Variants in GFRA1 observed in about 807,000 individuals in gnomAD.
The protein encoded by GFRA1 is GDNF family receptor alpha-1.
In GFRA1, 16 loss-of-function variants were observed where a neutral mutation model predicts 51.6. The ratio of observed to expected loss-of-function variants is 0.31; its 90% CI spans 0.21 to 0.47. GFRA1 has a LOEUF of 0.47. GFRA1 is among the 20% of genes least tolerant of loss of function. The probability of loss-of-function intolerance (pLI) is 1.00; values close to 1 mark genes in which losing one functional copy is unlikely to be tolerated. For synonymous variants in GFRA1, 270 were observed against 241.3 expected, an observed-to-expected ratio of 1.12 and a Z score of -1.10; for missense variants, 530 against 594.3, an observed-to-expected ratio of 0.89 and a Z score of 1.13.
chr10:116,069,642 G>A (rs1489617050), intron 9 of GFRA1, among the ~76,000 whole-genome samples: 2 of 152,224 alleles, frequency 1.3e-5, no homozygotes, highest in African/African-American at 4.8e-5. Context: ...TGGCACCAGA[G>A]GGTTAATAAA....
At chr10:116,241,123 C>T (rs148234497) in intron 4 of GFRA1, among the ~76,000 whole-genome samples, 14 of 123,056 alleles carry the variant, frequency 1.1e-4, no homozygotes, top group Admixed American at 2.9e-4. Flanking sequence ...TTTAGAATTT[C>T]GTAATACATT....
At chr10:116,125,193 T>C (rs1261898373) in intron 6 of GFRA1, 28 bp downstream of exon 6, 6 of 1,580,852 alleles carry the variant, frequency 3.8e-6, no homozygotes, top group East Asian at 4.5e-5. Flanking sequence ...GTCACCTCAT[T>C]AATCACCAGC....
intron 4 of GFRA1, among the ~76,000 whole-genome samples, chr10:116,231,647 T>C (rs1409762415): frequency 1.3e-5 from 2 of 152,210 alleles, no homozygotes; most frequent in East Asian, 3.8e-4. Flanking sequence ...CTTTTCCTTT[T>C]CCCAAATTCT....
At chr10:116,166,831 C>G (rs1158061159) in intron 5 of GFRA1, among the ~76,000 whole-genome samples, 5 of 125,782 alleles carry the variant, frequency 4.0e-5, no homozygotes, top group East Asian at 2.4e-4. Context: ...ACGGAGTCTC[C>G]CTCTGTGGCC....
intron 5 of GFRA1, among the ~76,000 whole-genome samples, chr10:116,150,797 C>A (rs1051408088): frequency 6.6e-6 from 1 of 152,110 alleles, no homozygotes; most frequent in African/African-American, 2.4e-5. Context: ...ACATTGTTCC[C>A]GAACAGTTGT....
intron 4 of GFRA1, among the ~76,000 whole-genome samples, chr10:116,232,215 A>G (rs1429383526): frequency 6.6e-6 from 1 of 152,214 alleles, no homozygotes; most frequent in Non-Finnish European, 1.5e-5. Flanking sequence ...CATATTCCAT[A>G]CTATTCAGAA....
At chr10:116,137,054 T>C (rs991023356) in intron 5 of GFRA1, among the ~76,000 whole-genome samples, 14 of 152,224 alleles carry the variant, frequency 9.2e-5, no homozygotes, top group African/African-American at 3.4e-4. Flanking sequence ...TTTGAATGTA[T>C]GTGTTCTTCG....
chr10:116,089,630 G>A (rs1404434698), intron 9 of GFRA1, 111 bp downstream of exon 9: 13 of 920,434 alleles, frequency 1.4e-5, no homozygotes, highest in Non-Finnish European at 1.8e-5. Flanking sequence ...ACTCAAACCC[G>A]AGCAGCATTC....
chr10:116,090,811 C>T (rs1483893005), intron 8 of GFRA1, among the ~76,000 whole-genome samples: 1 of 152,036 alleles, frequency 6.6e-6, no homozygotes. Flanking sequence ...TAATATATGA[C>T]TCTTAGTTGG....
intron 9 of GFRA1, among the ~76,000 whole-genome samples, chr10:116,073,121 A>G (rs955043246): frequency 2.6e-5 from 4 of 152,210 alleles, no homozygotes; most frequent in African/African-American, 7.2e-5. Context: ...CCAGTAAGAT[A>G]TATCAACAGT....
intron 5 of GFRA1, among the ~76,000 whole-genome samples, chr10:116,177,854 G>A (rs1206904272): frequency 2.0e-5 from 3 of 152,122 alleles, no homozygotes; most frequent in Non-Finnish European, 4.4e-5. Flanking sequence ...CCCAGCACCT[G>A]AGCTGGAAAG....
chr10:116,258,693 C>G (rs1012302737), intron 4 of GFRA1, among the ~76,000 whole-genome samples: 1 of 151,998 alleles, frequency 6.6e-6, no homozygotes, highest in Non-Finnish European at 1.5e-5. Context: ...CTGGCTCTAC[C>G]ACTTATTAAG....
At chr10:116,141,404 A>C (rs754547604) in intron 5 of GFRA1, among the ~76,000 whole-genome samples, 1 of 152,208 alleles carries the variant, frequency 6.6e-6, no homozygotes, top group Non-Finnish European at 1.5e-5. Flanking sequence ...CAGGGCATCC[A>C]GGTCTTAGTT....
intron 5 of GFRA1, among the ~76,000 whole-genome samples, chr10:116,189,206 G>C (rs972749862): frequency 2.6e-5 from 4 of 152,076 alleles, no homozygotes; most frequent in Middle Eastern, 3.2e-3. Context: ...TTAAAGGTGG[G>C]ATACACCTTC....
intron 5 of GFRA1, among the ~76,000 whole-genome samples, chr10:116,143,594 T>G (rs977970448): frequency 6.6e-6 from 1 of 152,120 alleles, no homozygotes; most frequent in African/African-American, 2.4e-5. Context: ...TGAATGTTAT[T>G]TAGATTTATG....
chr10:116,160,455 T>G (rs994286885), intron 5 of GFRA1, among the ~76,000 whole-genome samples: 1 of 152,240 alleles, frequency 6.6e-6, no homozygotes, highest in Non-Finnish European at 1.5e-5. Context: ...AAACATCACT[T>G]ATCCATCTCT....
At chr10:116,130,082 A>AT (rs768691125) in intron 5 of GFRA1, among the ~76,000 whole-genome samples, 4 of 146,638 alleles carry the variant, frequency 2.7e-5, no homozygotes, top group African/African-American at 5.5e-5. Context: ...CGATCAATGA[A>AT]TAAAAAAAAA....
rs202069119 is a variant in GFRA1, at chr10:116,198,228, TTAAC to T, written c.433+13399_433+13402del. Among the ~76,000 whole-genome samples the T allele has an allele frequency of 1.3e-4, 19 of 148,236 alleles. No homozygotes were observed. In the East Asian group the frequency reaches 1.4e-3, roughly 11 times the overall value. ...ACAGGTGGTTTCCTGATGCAGGATA[TTAAC>T]TTTCAACTGCTGGAGGTCCCAAACC... On this transcript the variant is annotated intron_variant, in intron 5 of 10. Transcript: ENST00000355422.
chr10:116,132,847 C>G (rs1958160583), intron 5 of GFRA1, among the ~76,000 whole-genome samples: 1 of 152,160 alleles, frequency 6.6e-6, no homozygotes, highest in African/African-American at 2.4e-5. Flanking sequence ...TCAAAGCCAG[C>G]CCTCCATCAG....
Sources: allele counts gnomAD v4.1 joint callset (sites outside exome capture counted in the v4.1 genomes callset), GRCh38; gene constraint gnomAD v4.1.1; transcripts MANE v1.5; gene names NCBI Gene and HGNC (gene_info 2026-07-23, HGNC 2026-07-21).